The following RUSF1 variants were observed in gnomAD, a reference collection of about 807,000 sequenced individuals.
RUSF1 encodes the protein RUS1 family protein C16orf58.
In RUSF1, 58 loss-of-function variants were observed where a neutral mutation model predicts 63.0. The observed-to-expected ratio is 0.92, with a 90% CI of 0.75 to 1.15. RUSF1 has a LOEUF of 1.15. Among genes scored for constraint, RUSF1 ranks in the 50% most tolerant of loss-of-function variants. The pLI, the probability that RUSF1 is intolerant of heterozygous loss-of-function variation, is 0.00. For missense variants in RUSF1, 652 were observed against 611.0 expected (o/e 1.07, Z -0.71); for synonymous variants, 274 against 255.8 (o/e 1.07, Z -0.68).
intron 2 of RUSF1, among the ~76,000 whole-genome samples, chr16:31,504,746 G>T (rs1442047955): frequency 1.3e-5 from 2 of 152,166 alleles, no homozygotes; most frequent in African/African-American, 4.8e-5. Flanking sequence ...ATGTAGAAGA[G>T]GAGGACATAA....
chr16:31,502,839 A>T lies in RUSF1; in HGVS notation c.416-2108T>A, dbSNP rs370339877. ...GAGATGGGGTTTCACCATGTTGGCC[A>T]GGCCAGTATCAAACTCCTGACCTCA... On this transcript the variant is annotated intron_variant, in intron 2 of 12. Coordinates refer to ENST00000327237, the MANE Select transcript of RUSF1 (RefSeq NM_022744.4). Among the ~76,000 whole-genome samples, 24 of 152,384 alleles carry T rather than the reference A, an allele frequency of 1.6e-4. No individual in the cohort carries two copies. In the East Asian group the frequency reaches 4.4e-3, roughly 28 times the overall value.
chr16:31,504,690 A>G (rs1333323029), intron 2 of RUSF1, among the ~76,000 whole-genome samples: 2 of 152,236 alleles, frequency 1.3e-5, no homozygotes, highest in Non-Finnish European at 2.9e-5. Flanking sequence ...AATAGCACAA[A>G]CTGTTCTTGT....
rs529740217 is a variant in RUSF1 at position 31,508,360 on chromosome 16, G to T, written c.14C>A (p.Ala5Glu). MADD[A>E]GLETPLCSEQ... ...GGAACACAGCGGGGTCTCCAAACCC[G>T]CGTCGTCAGCCATGCCGAGCTTTTG... The change falls in exon 1 of 13, where the codon GCG becomes GAG. Residue 5 changes from alanine (A) to glutamate (E), a missense_variant. By Grantham distance (107) the Ala-to-Glu change is moderately radical. Coordinates refer to ENST00000327237, the MANE Select transcript of RUSF1 (RefSeq NM_022744.4). 3.3e-6 allele frequency: 5 copies of T among 1,518,492 alleles called. No individual in the cohort carries two copies. The African/African-American group carries it at 5.6e-5, about 17-fold the overall frequency. The allele number at this position is 1,518,492 out of a possible 1,614,324, so 94.1% of individuals were successfully genotyped here.
At chr16:31,506,370 A>G (rs763390972) in intron 2 of RUSF1, among the ~76,000 whole-genome samples, 25 of 152,262 alleles carry the variant, frequency 1.6e-4, no homozygotes, top group Non-Finnish European at 8.8e-5. Context: ...TCCAAAATCC[A>G]AAACACTTCT....
Position 31,508,351 on chromosome 16 carries a change from T to C in RUSF1, c.23A>G (p.Glu8Gly), listed in dbSNP as rs775142435. MADDAGL[E>G]TPLCSEQFGS... ...GAACTGCTCGGAACACAGCGGGGTC[T>C]CCAAACCCGCGTCGTCAGCCATGCC... The change falls in exon 1 of 13, where the codon GAG becomes GGG. Residue 8 changes from glutamate to glycine, a missense_variant. Transcript: ENST00000327237. The C allele has an allele frequency of 2.6e-6, 4 of 1,532,494 alleles. No individual in the cohort carries two copies. The highest frequency in any genetic ancestry group is 2.3e-5 in the Admixed American group (1 of 44,392). 94.9% of individuals were successfully genotyped at this position (1,532,494 alleles called of 1,614,324 possible). A position where few individuals can be genotyped will look rare whatever the true frequency, so the allele number is the denominator to read the frequency against.
At chr16:31,493,329 A>G in intron 9 of RUSF1, 138 bp downstream of exon 9, 1 of 1,205,866 alleles carries the variant, frequency 8.3e-7, no homozygotes, top group Non-Finnish European at 1.2e-6. Flanking sequence ...ACACACCCAC[A>G]CCAACCCCAT....
chr16:31,502,910 G>A (rs918279828), intron 2 of RUSF1, among the ~76,000 whole-genome samples: 2 of 152,216 alleles, frequency 1.3e-5, no homozygotes, highest in Admixed American at 6.5e-5. Context: ...GATTATAGGC[G>A]TGAGCCACTG....
chr16:31,495,818 G>A (rs978603755), intron 6 of RUSF1, among the ~76,000 whole-genome samples: 5 of 152,158 alleles, frequency 3.3e-5, no homozygotes, highest in Non-Finnish European at 7.3e-5. Flanking sequence ...AGCATTTACT[G>A]CACATGCCCA....
At chr16:31,496,758 CTGTGT>C in intron 6 of RUSF1, 86 bp downstream of exon 6, 1 of 1,110,126 alleles carries the variant, frequency 9.0e-7, no homozygotes, top group South Asian at 1.7e-5. Flanking sequence ...ATACTTCTTC[CTGTGT>C]GTTCCTGGGC....
chr16:31,500,794 G>T, intron 2 of RUSF1, 63 bp from the exon 3 acceptor site: 1 of 1,551,120 alleles, frequency 6.4e-7, no homozygotes. Flanking sequence ...GGGCCTGGCA[G>T]ACCCTGGCAC....
In RUSF1 at chr16:31,490,011, G is replaced by A; in HGVS notation, c.*824C>T. On this transcript the variant is annotated 3_prime_UTR_variant, in exon 13 of 13. Transcript: ENST00000327237. ...TGTGTAGACTGGACAGAGGTGGGTA[G>A]GGCAGGCAGTGACGAGCTGGTGTGC... 2 of 1,542,884 alleles carry A rather than the reference G, an allele frequency of 1.3e-6. No homozygotes were observed. The highest frequency in any genetic ancestry group is 4.6e-5 in the East Asian group (2 of 43,148).
At position 31,490,572 on chromosome 16, in the gene RUSF1, C is replaced by G; in HGVS notation, c.*263G>C. ...TTGGACACCATAAGCCACAGCCTCA[C>G]AGGAAGTGGGGGTGAGGAGCCTGCG... On this transcript the variant is annotated 3_prime_UTR_variant, in exon 13 of 13. Transcript: ENST00000327237. 6.6e-7 allele frequency: 1 copy of G among 1,525,838 alleles called. No homozygotes were observed. The highest frequency in any genetic ancestry group is 9.0e-7 in the Non-Finnish European group (1 of 1,110,348). 94.5% of individuals were successfully genotyped at this position (1,525,838 alleles called of 1,614,324 possible). A position where few individuals can be genotyped will look rare whatever the true frequency, so the allele number is the denominator to read the frequency against.
rs374416729 is a variant in RUSF1, at chr16:31,490,275, C to G, written c.*560G>C. The stretch of plus-strand genomic sequence containing the variant: ...GGTGGGGCTGGAGGAGCTGAGTTCC[C>G]GCAAACTAACTGCAGGGCCTCAATT... On this transcript the variant is annotated 3_prime_UTR_variant, in exon 13 of 13. Coordinates refer to ENST00000327237, the MANE Select transcript of RUSF1 (RefSeq NM_022744.4). 8.1e-6 allele frequency: 13 copies of G among 1,613,610 alleles called. No homozygotes were observed. Among genetic ancestry groups the G allele is most frequent in the Non-Finnish European group, 1.1e-5 (13 of 1,179,872 alleles).
chr16:31,492,507 G>C (rs994306972), intron 10 of RUSF1, among the ~76,000 whole-genome samples, 167 bp from the exon 11 acceptor site: 6 of 152,006 alleles, frequency 3.9e-5, no homozygotes, highest in African/African-American at 1.5e-4. Flanking sequence ...CCCAATGTTC[G>C]GGCCAAACTG....
Position 31,493,624 on chromosome 16 carries a change from G to T in RUSF1, c.937C>A (p.Arg313Ser), listed in dbSNP as rs560262294. 6.2e-7 allele frequency: 1 copy of T among 1,614,238 alleles called. No homozygotes were observed. Among genetic ancestry groups the T allele is most frequent in the Admixed American group, 1.7e-5 (1 of 60,024 alleles). ...GEVLDPTAAN[R>S]MEPLWTGFWP... ...TCACCTGTCCACAGCGGCTCCATGC[G>T]ATTGGCTGCAGTTGGGTCGAGTACC... Residue 313 changes from arginine to serine, a missense_variant, in exon 8 of 13, where the codon CGC (arginine) becomes AGC (serine). Transcript: ENST00000327237.
intron 2 of RUSF1, among the ~76,000 whole-genome samples, chr16:31,503,680 T>C (rs1313014151): frequency 6.6e-6 from 1 of 152,206 alleles, no homozygotes; most frequent in Admixed American, 6.5e-5. Context: ...TATTTATTTT[T>C]TTAGATGGAG....
At chr16:31,497,391 C>T (rs1486280400) in intron 5 of RUSF1, among the ~76,000 whole-genome samples, 1 of 152,082 alleles carries the variant, frequency 6.6e-6, no homozygotes, top group Non-Finnish European at 1.5e-5. Flanking sequence ...TCCCAGGGTA[C>T]CCAGATCTCT....
At chr16:31,494,135 AG>A (rs796186951) in intron 6 of RUSF1, among the ~76,000 whole-genome samples, 199 bp from the exon 7 acceptor site, 24 of 152,300 alleles carry the variant, frequency 1.6e-4, no homozygotes, top group African/African-American at 5.3e-4. Flanking sequence ...CTGTAGTACC[AG>A]CACTTTGGGA....
chr16:31,499,236 CCAGGTAAACTCACA>C (rs2082619562), intron 5 of RUSF1, 52 bp downstream of exon 5: 1 of 1,394,266 alleles, frequency 7.2e-7, no homozygotes, highest in African/African-American at 1.4e-5. Flanking sequence ...CTCACAGAGC[CCAGGTAAACTCACA>C]CACTACCAAG....
Sources: allele counts gnomAD v4.1 joint callset (sites outside exome capture counted in the v4.1 genomes callset), GRCh38; gene constraint gnomAD v4.1.1; transcripts MANE v1.5; gene names NCBI Gene and HGNC (gene_info 2026-07-23, HGNC 2026-07-21).